ZNF385D: variants seen among roughly 807,000 people sequenced by gnomAD.
The protein encoded by ZNF385D is zinc finger protein 385D, also known as zinc finger protein 659.
ZNF385D carries 15 observed loss-of-function variants against 35.8 expected under a neutral mutation model. The ratio of observed to expected loss-of-function variants is 0.42; its 90% CI spans 0.28 to 0.64. The LOEUF (loss-of-function observed/expected upper bound fraction) is 0.64, where lower values mean the gene tolerates loss of function less well. Among genes scored for constraint, ZNF385D ranks in the 30% least tolerant of loss-of-function variants. ZNF385D has a pLI of 0.23. For synonymous variants in ZNF385D, 212 were observed against 186.8 expected, an observed-to-expected ratio of 1.13 and a Z score of -1.10; for missense variants, 474 against 494.6, an observed-to-expected ratio of 0.96 and a Z score of 0.39.
At chr3:21,906,240 C>T (rs1485839917) in intron 3 of ZNF385D, among the ~76,000 whole-genome samples, 1 of 152,124 alleles carries the variant, frequency 6.6e-6, no homozygotes, top group East Asian at 1.9e-4. Flanking sequence ...CATTATCAAC[C>T]CATTCTTCCC....
chr3:22,027,299 G>A (rs1697620981), intron 3 of ZNF385D, among the ~76,000 whole-genome samples: 1 of 152,220 alleles, frequency 6.6e-6, no homozygotes, highest in Non-Finnish European at 1.5e-5. Context: ...CTGAAAGACT[G>A]TTAGTTTTGA....
intron 2 of ZNF385D, among the ~76,000 whole-genome samples, chr3:21,588,708 T>G (rs1396222767): frequency 1.3e-5 from 2 of 152,050 alleles, no homozygotes; most frequent in Non-Finnish European, 2.9e-5. Flanking sequence ...ATTCTAAAAT[T>G]TACATAGGAG....
At chr3:21,953,722 T>A (rs1702164447) in intron 3 of ZNF385D, among the ~76,000 whole-genome samples, 1 of 152,090 alleles carries the variant, frequency 6.6e-6, no homozygotes, top group African/African-American at 2.4e-5. Context: ...TCCATTTTTT[T>A]AATATTCATG....
At chr3:22,355,155 G>A (rs895266662) in intron 2 of ZNF385D, among the ~76,000 whole-genome samples, 3 of 151,844 alleles carry the variant, frequency 2.0e-5, no homozygotes, top group East Asian at 1.9e-4. Flanking sequence ...ATGCATTTTC[G>A]TTCCTTTATA....
intron 1 of ZNF385D, among the ~76,000 whole-genome samples, chr3:21,684,379 TCTCTCTCTCTCTCTCTCTCTCTCTC>T (rs766513848): frequency 0.018 from 1,507 of 85,036 alleles, 25 homozygotes; most frequent in African/African-American, 0.033. Flanking sequence ...TCTCTCTCTC[TCTCTCTCTCTCTCTCTCTCTCTCTC>T]CTCTCTCTCT....
intron 5 of ZNF385D, 118 bp downstream of exon 5, chr3:21,436,852 C>T: frequency 2.2e-6 from 2 of 926,116 alleles, no homozygotes; most frequent in African/African-American, 3.3e-5. Context: ...TAATGATTTC[C>T]ATGTAATAAT....
At chr3:21,429,859 A>G (rs777479593) in intron 5 of ZNF385D, among the ~76,000 whole-genome samples, 3 of 152,146 alleles carry the variant, frequency 2.0e-5, no homozygotes, top group African/African-American at 4.8e-5. Context: ...GACAAGTTCA[A>G]TGATTCAGCT....
intron 2 of ZNF385D, among the ~76,000 whole-genome samples, chr3:22,182,682 T>C (rs1465021268): frequency 1.3e-5 from 2 of 152,138 alleles, no homozygotes; most frequent in African/African-American, 4.8e-5. Flanking sequence ...AACATATTTT[T>C]CTATTATCCA....
At chr3:22,030,211 T>TG (rs576105917) in intron 3 of ZNF385D, among the ~76,000 whole-genome samples, 147 of 137,266 alleles carry the variant, frequency 1.1e-3, no homozygotes, top group Non-Finnish European at 2.2e-3. Context: ...GACAGCCTAT[T>TG]GTGGGATCTT....
chr3:22,078,482 T>C (rs969471464), intron 3 of ZNF385D, among the ~76,000 whole-genome samples: 1 of 152,016 alleles, frequency 6.6e-6, no homozygotes. Context: ...TGGATAAGGA[T>C]ATGGTATTGA....
rs1700572702 is a variant in ZNF385D, at chr3:21,417,019, A to G, written c.*4195T>C. The G allele has an allele frequency of 6.6e-6, 1 of 152,120 alleles. No homozygotes were observed. Among genetic ancestry groups the G allele is most frequent in the Non-Finnish European group, 1.5e-5 (1 of 67,998 alleles). The allele number at this position is 152,120 out of a possible 1,614,324, so 9.4% of individuals were successfully genotyped here. On this transcript the variant is annotated 3_prime_UTR_variant, in exon 8 of 8. Transcript: ENST00000281523. ...TGATGTTGGCATAAGTGCGATCATA[A>G]TAAGTGAGTACTAAGTGAATTAGCA...
chr3:22,282,367 A>G (rs1414086181), intron 2 of ZNF385D, among the ~76,000 whole-genome samples: 4 of 152,120 alleles, frequency 2.6e-5, no homozygotes, highest in African/African-American at 9.7e-5. Context: ...GTAAACATTT[A>G]ACACTATGAA....
chr3:21,909,195 G>A (rs1048965337), intron 3 of ZNF385D, among the ~76,000 whole-genome samples: 1 of 127,574 alleles, frequency 7.8e-6, no homozygotes. Context: ...AATATAATAC[G>A]GATATAATAC....
At chr3:21,756,101 C>A (rs1442228443), upstream of ZNF385D, among the ~76,000 whole-genome samples, 1 of 152,130 alleles carries the variant, frequency 6.6e-6, no homozygotes, top group Non-Finnish European at 1.5e-5. Context: ...TTCACTATGA[C>A]TGACGTATGA....
At chr3:21,425,365 T>C in intron 6 of ZNF385D, 127 bp downstream of exon 6, 1 of 925,024 alleles carries the variant, frequency 1.1e-6, no homozygotes. Context: ...GATGGGCAGA[T>C]GGAGGGATGG....
chr3:21,637,212 T>TA (rs1026024696), intron 2 of ZNF385D, among the ~76,000 whole-genome samples: 2 of 152,160 alleles, frequency 1.3e-5, no homozygotes, highest in Non-Finnish European at 2.9e-5. Context: ...GATATTAACT[T>TA]ACAGAATTTT....
chr3:21,431,609 A>C (rs1359936486), intron 5 of ZNF385D, among the ~76,000 whole-genome samples: 1 of 152,168 alleles, frequency 6.6e-6, no homozygotes, highest in Non-Finnish European at 1.5e-5. Context: ...GTACAGCTCC[A>C]ATATTCAAAT....
In ZNF385D at chr3:21,539,586, T is replaced by C. The variant is rs1470641517; in HGVS notation, c.276+24988A>G. 6.6e-6 allele frequency among the ~76,000 whole-genome samples: 1 copy of C among 152,174 alleles called. No homozygotes were observed. Among genetic ancestry groups the C allele is most frequent in the Non-Finnish European group, 1.5e-5 (1 of 67,992 alleles). On this transcript the variant is annotated intron_variant, in intron 3 of 7. Transcript: ENST00000281523. This position sits in a 1 kb window ranked among gnomAD's most constrained non-coding sequence, Gnocchi z 4.0. ...TACTCTAAATGTTAAAATGATTCTC[T>C]AAATTATTGTTTCAGATTTTATAAA... is the stretch of plus-strand genomic sequence containing the variant.
chr3:21,818,721 G>A (rs570375734), intron 3 of ZNF385D, among the ~76,000 whole-genome samples: 1 of 152,034 alleles, frequency 6.6e-6, no homozygotes, highest in East Asian at 1.9e-4. Context: ...GCCTCTATTA[G>A]GTCATATGTT....
Sources: allele counts gnomAD v4.1 joint callset (sites outside exome capture counted in the v4.1 genomes callset), GRCh38; gene constraint gnomAD v4.1.1; non-coding constraint Gnocchi (gnomAD v3.1); transcripts MANE v1.5; gene names NCBI Gene and HGNC (gene_info 2026-07-23, HGNC 2026-07-21).